GABRB2: variants seen among roughly 807,000 people sequenced by gnomAD.
The protein encoded by GABRB2 is gamma-aminobutyric acid receptor subunit beta-2.
In GABRB2, 16 loss-of-function variants were observed where a neutral mutation model predicts 54.7. That is an observed-to-expected ratio of 0.29 (90% CI 0.20 to 0.44). The LOEUF (loss-of-function observed/expected upper bound fraction) is 0.44, where lower values mean the gene tolerates loss of function less well. Ranked by LOEUF, GABRB2 falls within the 20% of genes least tolerant of loss-of-function variation. The probability of loss-of-function intolerance (pLI) is 1.00; values close to 1 mark genes in which losing one functional copy is unlikely to be tolerated. For missense variants in GABRB2, 355 were observed against 644.0 expected, an observed-to-expected ratio of 0.55 and a Z score of 4.86; for synonymous variants, 244 against 233.8, an observed-to-expected ratio of 1.04 and a Z score of -0.40.
At chr5:161,343,460 G>A (rs1203164782) in intron 5 of GABRB2, among the ~76,000 whole-genome samples, 1 of 152,006 alleles carries the variant, frequency 6.6e-6, no homozygotes, top group East Asian at 1.9e-4. Context: ...ATGTCAGATT[G>A]TGGGTTTTAA....
In GABRB2 at chr5:161,350,178, C is replaced by T. The variant is rs566043239; in HGVS notation, c.542-13409G>A. Reference sequence around the variant, plus strand: ...ACAAGGATGTCCACTCTTGTCCCTTCTATTCAACTGGAAGTCATAGAGCAA... The same window carrying T: ...ACAAGGATGTCCACTCTTGTCCCTTTTATTCAACTGGAAGTCATAGAGCAA... On this transcript the variant is annotated intron_variant, in intron 5 of 9. Coordinates refer to ENST00000393959, the MANE Select transcript of GABRB2 (RefSeq NM_001371727.1). 5.3e-5 allele frequency among the ~76,000 whole-genome samples: 8 copies of T among 152,174 alleles called. No individual in the cohort carries two copies. In the South Asian group the frequency reaches 1.7e-3, roughly 31 times the overall value.
chr5:161,481,963 A>G (rs990820413), intron 3 of GABRB2, among the ~76,000 whole-genome samples: 1 of 151,978 alleles, frequency 6.6e-6, no homozygotes, highest in Non-Finnish European at 1.5e-5. Flanking sequence ...TTCCACTGAG[A>G]GCCCAATCCT....
chr5:161,366,853 C>G (rs1057235617), intron 5 of GABRB2, among the ~76,000 whole-genome samples: 6 of 152,072 alleles, frequency 3.9e-5, no homozygotes, highest in African/African-American at 1.4e-4. Flanking sequence ...AAGGCTAAGG[C>G]TGGTGAATCG....
At chr5:161,380,864 G>A (rs376287604) in intron 5 of GABRB2, among the ~76,000 whole-genome samples, 10 of 83,202 alleles carry the variant, frequency 1.2e-4, no homozygotes, top group Non-Finnish European at 3.1e-4. Flanking sequence ...TTTTACAAGG[G>A]TAAAAAAAAA....
intron 9 of GABRB2, among the ~76,000 whole-genome samples, chr5:161,308,370 A>G (rs1757763134): frequency 6.6e-6 from 1 of 152,234 alleles, no homozygotes; most frequent in Non-Finnish European, 1.5e-5. Flanking sequence ...ATGAAAAGAG[A>G]AAAACATTCC....
chr5:161,497,850 C>T (rs1169106057), intron 3 of GABRB2, among the ~76,000 whole-genome samples: 1 of 152,108 alleles, frequency 6.6e-6, no homozygotes. Flanking sequence ...CCCAGCTGGA[C>T]TAAAGAAGCC....
chr5:161,430,289 G>A (rs1004497552), intron 4 of GABRB2, among the ~76,000 whole-genome samples: 1 of 152,222 alleles, frequency 6.6e-6, no homozygotes, highest in Non-Finnish European at 1.5e-5. Context: ...TGAGGTTTCA[G>A]AGCAACTTTT....
chr5:161,406,561 A>C lies in GABRB2; in HGVS notation c.541+4414T>G, dbSNP rs868601161. On this transcript the variant is annotated intron_variant, in intron 5 of 9. Coordinates refer to ENST00000393959, the MANE Select transcript of GABRB2 (RefSeq NM_001371727.1). ...TTAATTGCTGAAGTTGCTATTTATT[A>C]GATGTCTACCATGGACCAAAGCAAT... Among the ~76,000 whole-genome samples the C allele has an allele frequency of 2.0e-5, 3 of 152,050 alleles. No homozygotes were observed. In the South Asian group the frequency reaches 6.2e-4, roughly 32 times the overall value.
At chr5:161,507,553 T>A (rs1759643783) in intron 3 of GABRB2, among the ~76,000 whole-genome samples, 1 of 152,012 alleles carries the variant, frequency 6.6e-6, no homozygotes, top group Admixed American at 6.6e-5. Context: ...TTTATCTATA[T>A]GTAAAAATAT....
chr5:161,389,653 G>A, intron 5 of GABRB2, among the ~76,000 whole-genome samples: 1 of 151,408 alleles, frequency 6.6e-6, no homozygotes, highest in East Asian at 1.9e-4. Context: ...AAGAAAATGA[G>A]GGATTAAGGA....
intron 5 of GABRB2, among the ~76,000 whole-genome samples, chr5:161,398,670 G>T (rs1580950912): frequency 6.8e-6 from 1 of 147,976 alleles, no homozygotes; most frequent in Admixed American, 6.7e-5. Flanking sequence ...TTGTTTGTCT[G>T]TTTTTTTTGT....
chr5:161,343,308 T>C (rs987858552), intron 5 of GABRB2, among the ~76,000 whole-genome samples: 10 of 151,976 alleles, frequency 6.6e-5, no homozygotes, highest in African/African-American at 2.4e-4. Flanking sequence ...TAGTGGCATC[T>C]TAGTAAGGAC....
intron 5 of GABRB2, among the ~76,000 whole-genome samples, chr5:161,359,835 C>A (rs111723092): frequency 0.068 from 10,362 of 152,168 alleles, 491 homozygotes; most frequent in Middle Eastern, 0.088. Context: ...GTAATCCCAG[C>A]ACTTTGGGAG....
chr5:161,434,921 C>T (rs1365474831), intron 4 of GABRB2, among the ~76,000 whole-genome samples: 8 of 152,070 alleles, frequency 5.3e-5, no homozygotes, highest in Non-Finnish European at 8.8e-5. Flanking sequence ...AAGTTCTCTC[C>T]ATATTGCGAC....
At chr5:161,303,288 C>T (rs778432250) in intron 9 of GABRB2, among the ~76,000 whole-genome samples, 4 of 152,156 alleles carry the variant, frequency 2.6e-5, no homozygotes, top group African/African-American at 4.8e-5. Context: ...ATGAAGTGGA[C>T]GCTGTTGGCT....
At chr5:161,399,440 G>A (rs1027768410) in intron 5 of GABRB2, among the ~76,000 whole-genome samples, 2 of 152,118 alleles carry the variant, frequency 1.3e-5, no homozygotes, top group Non-Finnish European at 2.9e-5. Context: ...AGAGAAGTAT[G>A]GCACAGAACA....
At chr5:161,539,909 GA>G (rs779265639) in intron 3 of GABRB2, among the ~76,000 whole-genome samples, 11 of 152,156 alleles carry the variant, frequency 7.2e-5, no homozygotes, top group Non-Finnish European at 1.2e-4. Context: ...TTTATTGCTA[GA>G]AAATACTAAC....
At chr5:161,413,001 T>TG (rs1756564738) in intron 4 of GABRB2, among the ~76,000 whole-genome samples, 1 of 152,138 alleles carries the variant, frequency 6.6e-6, no homozygotes, top group African/African-American at 2.4e-5. Context: ...AACCTCCTGG[T>TG]CTCAAGCAAT....
At chr5:161,512,680 C>A (rs1759813224) in intron 3 of GABRB2, among the ~76,000 whole-genome samples, 1 of 151,936 alleles carries the variant, frequency 6.6e-6, no homozygotes, top group Non-Finnish European at 1.5e-5. Context: ...ACTAAGTCCC[C>A]AAAAGTAATT....
Sources: allele counts gnomAD v4.1 joint callset (sites outside exome capture counted in the v4.1 genomes callset), GRCh38; gene constraint gnomAD v4.1.1; transcripts MANE v1.5; gene names NCBI Gene and HGNC (gene_info 2026-07-23, HGNC 2026-07-21).